The following CNTLN variants were observed in gnomAD, a reference collection of about 807,000 sequenced individuals.
CNTLN encodes centlein.
CNTLN carries 212 observed loss-of-function variants against 180.0 expected under a neutral mutation model. That is an observed-to-expected ratio of 1.18 (90% CI 1.05 to 1.32). The LOEUF is 1.32. Among genes scored for constraint, CNTLN ranks in the 40% most tolerant of loss-of-function variants. The pLI, the probability that CNTLN is intolerant of heterozygous loss-of-function variation, is 0.00. For missense variants in CNTLN, 2,095 were observed against 1,610.9 expected (o/e 1.30, Z -5.14); for synonymous variants, 722 against 563.1 (o/e 1.28, Z -3.99).
At chr9:17,299,597 C>T (rs1162375184) in intron 7 of CNTLN, 1 of 985,120 alleles carries the variant, frequency 1.0e-6, no homozygotes, top group Admixed American at 6.2e-5. Flanking sequence ...TTCCCAAGGA[C>T]CTAGATGATA....
chr9:17,197,365 A>T (rs914595979), intron 2 of CNTLN, among the ~76,000 whole-genome samples: 2 of 152,048 alleles, frequency 1.3e-5, no homozygotes, highest in Non-Finnish European at 2.9e-5. Flanking sequence ...TGTCATTTTG[A>T]TTTGCATTTC....
intron 19 of CNTLN, among the ~76,000 whole-genome samples, chr9:17,462,484 G>T (rs1831512848): frequency 6.6e-6 from 1 of 151,802 alleles, no homozygotes; most frequent in South Asian, 2.1e-4. Context: ...ACTACGTTCA[G>T]TGGGTTAGGA....
At chr9:17,204,446 T>C (rs1471710366) in intron 2 of CNTLN, among the ~76,000 whole-genome samples, 1 of 152,176 alleles carries the variant, frequency 6.6e-6, no homozygotes, top group Non-Finnish European at 1.5e-5. Flanking sequence ...GCCCCTCTTC[T>C]GCAGCTTGCT....
intron 23 of CNTLN, among the ~76,000 whole-genome samples, chr9:17,472,356 A>G (rs771058009): frequency 1.3e-5 from 2 of 152,060 alleles, no homozygotes; most frequent in Non-Finnish European, 2.9e-5. Flanking sequence ...ACGCACCCCA[A>G]TTATTTGTAT....
downstream of CNTLN, among the ~76,000 whole-genome samples, chr9:17,504,221 C>T (rs1436698717): frequency 2.6e-5 from 4 of 152,130 alleles, no homozygotes; most frequent in East Asian, 1.9e-4. Context: ...AATTGGATGG[C>T]GAAGCATTGT....
chr9:17,489,223 C>G (rs930279080), intron 25 of CNTLN, among the ~76,000 whole-genome samples: 15 of 151,990 alleles, frequency 9.9e-5, no homozygotes, highest in Non-Finnish European at 2.1e-4. Flanking sequence ...TGCCCACCAG[C>G]CTTTTTTTAG....
chr9:17,379,281 G>C (rs1379742245), intron 13 of CNTLN, among the ~76,000 whole-genome samples: 1 of 151,346 alleles, frequency 6.6e-6, no homozygotes, highest in Admixed American at 6.6e-5. Context: ...TCTTAAACTT[G>C]GGTAGTTTCC....
At position 17,202,867 on chromosome 9, in the gene CNTLN, A is replaced by T. The variant is rs1050283594; in HGVS notation, c.450-23336A>T. The stretch of plus-strand genomic sequence containing the variant: ...GTTAATATTTTTTTGTGTGAATTTG[A>T]TCCTGTCATCATGATGCTAGCTGTT... On this transcript the variant is annotated intron_variant, in intron 2 of 25. Coordinates refer to ENST00000380647, the MANE Select transcript of CNTLN (RefSeq NM_017738.4). 4.6e-5 allele frequency among the ~76,000 whole-genome samples: 7 copies of T among 151,862 alleles called. No individual in the cohort carries two copies. The South Asian group carries it at 1.0e-3, about 23-fold the overall frequency.
intron 6 of CNTLN, among the ~76,000 whole-genome samples, chr9:17,280,020 G>T (rs779229289): frequency 1.3e-5 from 2 of 152,156 alleles, no homozygotes; most frequent in Non-Finnish European, 2.9e-5. Flanking sequence ...TCCCCATGAG[G>T]AAGAAGGTCC....
intron 2 of CNTLN, among the ~76,000 whole-genome samples, chr9:17,148,940 C>T (rs1034834130): frequency 1.3e-5 from 2 of 152,102 alleles, no homozygotes; most frequent in African/African-American, 4.8e-5. Context: ...ACCTACATTA[C>T]GTATTTCTCC....
chr9:17,505,997 G>C (rs920994571), downstream of CNTLN, among the ~76,000 whole-genome samples: 1 of 151,876 alleles, frequency 6.6e-6, no homozygotes, highest in Admixed American at 6.6e-5. Flanking sequence ...CAACTGATTT[G>C]AGACAAAGGT....
chr9:17,203,495 A>T (rs762008909), intron 2 of CNTLN, among the ~76,000 whole-genome samples: 3 of 152,122 alleles, frequency 2.0e-5, no homozygotes, highest in Admixed American at 6.5e-5. Flanking sequence ...GTCTTGTCAC[A>T]TAGTGCCCTA....
intron 7 of CNTLN, among the ~76,000 whole-genome samples, chr9:17,306,848 T>C (rs1257018433): frequency 6.6e-6 from 1 of 152,046 alleles, no homozygotes; most frequent in Non-Finnish European, 1.5e-5. Flanking sequence ...GATTAGAAAG[T>C]GGTTAAATAT....
At chr9:17,522,448 C>A in the CNTLN span, among the ~76,000 whole-genome samples, 1 of 152,222 alleles carries the variant, frequency 6.6e-6, no homozygotes, top group African/African-American at 2.4e-5. Context: ...TACTGCTATG[C>A]CATCCTGACC....
intron 12 of CNTLN, among the ~76,000 whole-genome samples, chr9:17,361,775 G>A (rs1031621653): frequency 6.6e-6 from 1 of 152,188 alleles, no homozygotes; most frequent in African/African-American, 2.4e-5. Flanking sequence ...GGCTCTCTCT[G>A]TTTATTTGCT....
At chr9:17,505,563 G>C (rs150532561), downstream of CNTLN, among the ~76,000 whole-genome samples, 223 of 152,088 alleles carry the variant, frequency 1.5e-3, no homozygotes, top group African/African-American at 5.0e-3. Context: ...GAAATACTTA[G>C]GTATAAAACC....
chr9:17,394,682 TAGAACAGATAATAA>T lies in CNTLN; in HGVS notation c.2231_2244del (p.Glu744GlyfsTer3). The T allele has an allele frequency of 6.2e-7, 1 of 1,613,652 alleles. No homozygotes were observed. The highest frequency in any genetic ancestry group is 8.5e-7 in the Non-Finnish European group (1 of 1,179,792). On this transcript the variant is annotated frameshift_variant, in exon 15 of 26. Coordinates refer to ENST00000380647, the MANE Select transcript of CNTLN (RefSeq NM_017738.4). LOFTEE classifies it high-confidence loss of function. ...GATACAGAGACCAGAGAAAAAGAGC[TAGAACAGATAATAA>T]AGGGGAGTAAAGATGTAGAAAAAGA...
chr9:17,387,433 A>T (rs1295129129), intron 13 of CNTLN, among the ~76,000 whole-genome samples: 1 of 152,164 alleles, frequency 6.6e-6, no homozygotes, highest in Admixed American at 6.5e-5. Flanking sequence ...AGTTATTTAT[A>T]GGATTTGATA....
At chr9:17,514,209 C>T in the CNTLN span, among the ~76,000 whole-genome samples, 3 of 150,910 alleles carry the variant, frequency 2.0e-5, no homozygotes, top group African/African-American at 7.3e-5. Context: ...ACTGGGGAGG[C>T]TAAGATGGGA....
Sources: gnomAD v4.1 joint callset for allele counts (sites outside exome capture counted in the v4.1 genomes callset) on GRCh38, gnomAD v4.1.1 for gene constraint, MANE v1.5 for transcripts, NCBI Gene and HGNC (gene_info 2026-07-23, HGNC 2026-07-21) for gene names.